RFX8: variants seen among roughly 807,000 people sequenced by gnomAD.
RFX8 encodes the protein regulatory factor X8.
A neutral mutation model predicts 54.6 loss-of-function variants in RFX8; 46 were observed. That is an observed-to-expected ratio of 0.84 (90% CI 0.67 to 1.08). The LOEUF (loss-of-function observed/expected upper bound fraction) is 1.08, where lower values mean the gene tolerates loss of function less well. Ranked by LOEUF, RFX8 falls within the 50% of genes least tolerant of loss-of-function variation. The probability of loss-of-function intolerance (pLI) is 0.00; values close to 1 mark genes in which losing one functional copy is unlikely to be tolerated. For missense variants in RFX8, 536 were observed against 562.3 expected (o/e 0.95, Z 0.47); for synonymous variants, 192 against 209.5 (o/e 0.92, Z 0.72).
intron 2 of RFX8, among the ~76,000 whole-genome samples, chr2:101,446,443 G>A (rs1421347109): frequency 6.6e-6 from 1 of 152,012 alleles, no homozygotes; most frequent in Non-Finnish European, 1.5e-5. Flanking sequence ...CAAAGTGCTG[G>A]GATTACAGGC....
Position 101,450,823 on chromosome 2 carries a change from T to C in RFX8, c.72+15954A>G, listed in dbSNP as rs1440651350. ...TGCATTTCTCTGGAAAAGCTAATCCTTCAGTCTGACCAAGCTCTGTTATGT... is the reference window on the plus strand; with the variant it reads ...TGCATTTCTCTGGAAAAGCTAATCCCTCAGTCTGACCAAGCTCTGTTATGT... On this transcript the variant is annotated intron_variant, in intron 2 of 11. Coordinates refer to ENST00000428343, the MANE Select transcript of RFX8 (RefSeq NM_001145664.2). 8.3e-6 allele frequency: 5 copies of C among 605,660 alleles called. No individual in the cohort carries two copies. The East Asian group carries it at 1.4e-4, about 17-fold the overall frequency. 37.5% of individuals were successfully genotyped at this position (605,660 alleles called of 1,614,324 possible).
intron 2 of RFX8, among the ~76,000 whole-genome samples, chr2:101,446,112 TAA>T (rs35370799): frequency 0.042 from 6,405 of 151,980 alleles, 256 homozygotes; most frequent in African/African-American, 0.1. Flanking sequence ...CTTAATGCTT[TAA>T]AAAAAAAATT....
intron 6 of RFX8, among the ~76,000 whole-genome samples, chr2:101,416,204 G>A (rs1686500020): frequency 1.3e-5 from 2 of 152,064 alleles, no homozygotes; most frequent in Admixed American, 1.3e-4. Flanking sequence ...GGAGGGGGGT[G>A]GAAGAAGGAT....
At chr2:101,458,991 C>T (rs576058012) in intron 2 of RFX8, among the ~76,000 whole-genome samples, 1 of 152,310 alleles carries the variant, frequency 6.6e-6, no homozygotes, top group South Asian at 2.1e-4. Flanking sequence ...CTTTCTTCCA[C>T]TTGATCGAAT....
intron 2 of RFX8, among the ~76,000 whole-genome samples, chr2:101,433,855 T>C (rs1687626932): frequency 6.6e-6 from 1 of 152,242 alleles, no homozygotes; most frequent in Admixed American, 6.5e-5. Context: ...TCAAAGCACA[T>C]GAAGTAATTA....
intron 4 of RFX8, 46 bp from the exon 5 acceptor site, chr2:101,419,010 C>T (rs1383090643): frequency 9.9e-6 from 10 of 1,010,346 alleles, no homozygotes; most frequent in South Asian, 3.0e-5. Context: ...TTTTCCACCT[C>T]GCAAGACTAA....
intron 8 of RFX8, among the ~76,000 whole-genome samples, chr2:101,411,670 A>G (rs114216767): frequency 0.022 from 3,329 of 152,224 alleles, 128 homozygotes; most frequent in African/African-American, 0.075. Flanking sequence ...GAAGCCTGCC[A>G]GATTAGGTGT....
chr2:101,449,102 G>A (rs564090521), intron 2 of RFX8, among the ~76,000 whole-genome samples: 2 of 152,276 alleles, frequency 1.3e-5, no homozygotes, highest in South Asian at 2.1e-4. Flanking sequence ...TTGGATGGTG[G>A]GAGCAAAGGT....
intron 1 of RFX8, among the ~76,000 whole-genome samples, chr2:101,470,530 A>AT (rs746535860): frequency 2.0e-5 from 3 of 152,246 alleles, no homozygotes. Flanking sequence ...AGATCACTAG[A>AT]TTCCTTGCTT....
At chr2:101,455,757 T>G (rs1688930885) in intron 2 of RFX8, among the ~76,000 whole-genome samples, 2 of 152,182 alleles carry the variant, frequency 1.3e-5, no homozygotes, top group Admixed American at 6.5e-5. Context: ...GTGAAGAAAG[T>G]CATTGGTAGC....
chr2:101,414,139 C>G (rs1001190215), intron 7 of RFX8, among the ~76,000 whole-genome samples: 2 of 152,252 alleles, frequency 1.3e-5, no homozygotes, highest in Non-Finnish European at 2.9e-5. Context: ...CCTGGCCACA[C>G]TGAGTCCACA....
At chr2:101,472,807 C>A (rs976635146) in intron 1 of RFX8, among the ~76,000 whole-genome samples, 1 of 152,136 alleles carries the variant, frequency 6.6e-6, no homozygotes, top group African/African-American at 2.4e-5. Context: ...CACTTGAGGT[C>A]AGGACTTCCA....
At chr2:101,452,846 C>T (rs554791885) in intron 2 of RFX8, among the ~76,000 whole-genome samples, 23 of 152,264 alleles carry the variant, frequency 1.5e-4, no homozygotes, top group African/African-American at 5.5e-4. Flanking sequence ...GTGGCTCACG[C>T]CTGTAATCCC....
chr2:101,459,589 A>G (rs6543065), intron 2 of RFX8, among the ~76,000 whole-genome samples: 52,346 of 151,808 alleles, frequency 0.34, 9,676 homozygotes, highest in African/African-American at 0.44. Flanking sequence ...ATTGCTGCCT[A>G]ATCCTTCCTC....
At chr2:101,411,026 C>T (rs933321584) in intron 8 of RFX8, among the ~76,000 whole-genome samples, 4 of 152,210 alleles carry the variant, frequency 2.6e-5, no homozygotes, top group African/African-American at 4.8e-5. Context: ...GCTCATTGCA[C>T]GATACAGACA....
At chr2:101,411,580 TG>T (rs1203028333) in intron 8 of RFX8, among the ~76,000 whole-genome samples, 1 of 152,128 alleles carries the variant, frequency 6.6e-6, no homozygotes, top group African/African-American at 2.4e-5. Context: ...GCCAGAGTGT[TG>T]GGAAGGGGAC....
chr2:101,402,347 G>C, intron 11 of RFX8, 89 bp downstream of exon 11: 1 of 1,145,576 alleles, frequency 8.7e-7, no homozygotes, highest in South Asian at 1.6e-5. Flanking sequence ...TCATTGTTTG[G>C]ACAAAGTGAT....
chr2:101,404,531 A>G (rs533337807), intron 10 of RFX8, among the ~76,000 whole-genome samples: 1 of 152,142 alleles, frequency 6.6e-6, no homozygotes, highest in East Asian at 1.9e-4. Context: ...CCCTGGCTCA[A>G]GCAATCCTCC....
intron 2 of RFX8, among the ~76,000 whole-genome samples, chr2:101,434,565 C>T (rs186220235): frequency 1.3e-5 from 2 of 151,966 alleles, no homozygotes; most frequent in Non-Finnish European, 2.9e-5. Context: ...TTGCATTGCA[C>T]GGGCGTCTGT....
Sources: gnomAD v4.1 joint callset for allele counts (sites outside exome capture counted in the v4.1 genomes callset) on GRCh38, gnomAD v4.1.1 for gene constraint, MANE v1.5 for transcripts, NCBI Gene and HGNC (gene_info 2026-07-23, HGNC 2026-07-21) for gene names.